The following GLIS1 variants were observed in gnomAD, a reference collection of about 807,000 sequenced individuals.
The protein encoded by GLIS1 is zinc finger protein GLIS1.
GLIS1 carries 24 observed loss-of-function variants against 63.8 expected under a neutral mutation model. The observed-to-expected ratio is 0.38, with a 90% confidence interval of 0.27 to 0.53. GLIS1 has a LOEUF of 0.53. Among genes scored for constraint, GLIS1 ranks in the 20% least tolerant of loss-of-function variants. The pLI is 0.85. For synonymous variants in GLIS1, 450 were observed against 482.5 expected (o/e 0.93, Z 0.88); for missense variants, 1,036 against 1,074.1 (o/e 0.96, Z 0.50).
In GLIS1 at chr1:53,737,970, G is replaced by T; in HGVS notation, c.95C>A (p.Ala32Glu). The change falls in exon 2 of 11, where the codon GCG becomes GAG. Residue 32 changes from alanine (A) to glutamate (E), a missense_variant. By Grantham distance (107) the Ala-to-Glu change is moderately radical (BLOSUM62 -1). Transcript: ENST00000628545. ...GPDRGPASLG[A>E]HMAFRVTVSG... is the part of the protein sequence containing the mutation. ...CACGGTGACCCTGAAGGCCATGTGCGCGCCGAGGCTGGCGGGGCCGCGGTC... is the reference window on the plus strand; with the variant it reads ...CACGGTGACCCTGAAGGCCATGTGCTCGCCGAGGCTGGCGGGGCCGCGGTC... The T allele has an allele frequency of 8.1e-7, 1 of 1,230,290 alleles. No homozygotes were observed. The highest frequency in any genetic ancestry group is 1.0e-6 in the Non-Finnish European group (1 of 986,984). The allele number at this position is 1,230,290 out of a possible 1,614,324, so 76.2% of individuals were successfully genotyped here.
At chr1:53,707,029 CT>C (rs901645530) in intron 2 of GLIS1, among the ~76,000 whole-genome samples, 2 of 152,138 alleles carry the variant, frequency 1.3e-5, no homozygotes, top group African/African-American at 2.4e-5. Flanking sequence ...CCAGAAGCTT[CT>C]TTTTTAAAAG....
intron 2 of GLIS1, among the ~76,000 whole-genome samples, chr1:53,736,415 A>AT: frequency 6.6e-6 from 1 of 152,152 alleles, no homozygotes. Flanking sequence ...GACAGCCATG[A>AT]TTTTTTTAAA....
At chr1:53,536,438 G>T (rs1011382850) in intron 4 of GLIS1, among the ~76,000 whole-genome samples, 1 of 152,100 alleles carries the variant, frequency 6.6e-6, no homozygotes, top group African/African-American at 2.4e-5. Context: ...TAGTGACTGG[G>T]TGACACTTTC....
intron 2 of GLIS1, among the ~76,000 whole-genome samples, chr1:53,645,359 C>G (rs1005779011): frequency 6.6e-6 from 1 of 152,160 alleles, no homozygotes; most frequent in African/African-American, 2.4e-5. Context: ...CTGTATATTT[C>G]CTGTGTTTCC....
chr1:53,594,523 G>A lies in GLIS1; in HGVS notation c.905C>T (p.Thr302Met), dbSNP rs770474771. 9.9e-6 allele frequency: 16 copies of A among 1,611,730 alleles called. No homozygotes were observed. The highest frequency in any genetic ancestry group is 4.5e-5 in the East Asian group (2 of 44,858). Residue 302 changes from threonine (T) to methionine (M), a missense_variant, in exon 4 of 11, where the codon ACG becomes ATG. This residue lies in a region of GLIS1 where 592 missense variants were observed against 593.9 expected (regional missense o/e 1.00). Coordinates refer to ENST00000628545, the MANE Select transcript of GLIS1 (RefSeq NM_001367484.1). The stretch of plus-strand genomic sequence containing the variant: ...TTGCAAGCTGCCCTCATGGCTGTCC[G>A]TCGATGCAGGGCCAGGCCGGGCCCG... Reference protein sequence around the residue: ...SKRARPGPASTDSHEGSLQLE... With the variant: ...SKRARPGPASMDSHEGSLQLE...
intron 8 of GLIS1, 128 bp from the exon 9 acceptor site, chr1:53,510,155 C>T (rs1391710305): frequency 6.8e-6 from 3 of 442,226 alleles, no homozygotes; most frequent in Non-Finnish European, 1.1e-5. Context: ...CTCCGACTTA[C>T]AATAGTTAGA....
Position 53,514,609 on chromosome 1 carries a change from G to T in GLIS1, c.1883+16C>A. ...CCCTTGTTGCCCCTGGAGGAGGACT[G>T]GCCTGGTGTACATACCCATCCCGGG... On this transcript the variant is annotated intron_variant, in intron 8 of 10. Coordinates refer to ENST00000628545, the MANE Select transcript of GLIS1 (RefSeq NM_001367484.1). 6.2e-7 allele frequency: 1 copy of T among 1,611,390 alleles called. No homozygotes were observed. Among genetic ancestry groups the T allele is most frequent in the Non-Finnish European group, 8.5e-7 (1 of 1,178,868 alleles).
chr1:53,591,088 CA>C (rs1645189324), intron 4 of GLIS1, among the ~76,000 whole-genome samples: 1 of 152,230 alleles, frequency 6.6e-6, no homozygotes. Flanking sequence ...ACTCTTCAAT[CA>C]AAATGTCTCA....
rs188142455 is a variant in GLIS1, at chr1:53,651,593, G to A, written c.260-51315C>T. On this transcript the variant is annotated intron_variant, in intron 2 of 10. Coordinates refer to ENST00000628545, the MANE Select transcript of GLIS1 (RefSeq NM_001367484.1). ...ATCCTTTTGTTCAATAATCAGCTGA[G>A]GCCAGGCACAGTGGCCTCACATCTG... is the stretch of plus-strand genomic sequence containing the variant. Among the ~76,000 whole-genome samples, 4 of 152,246 alleles carry A rather than the reference G, an allele frequency of 2.6e-5. No individual in the cohort carries two copies. The East Asian group carries it at 7.7e-4, about 29-fold the overall frequency.
chr1:53,677,718 G>A (rs1356992371), intron 2 of GLIS1, among the ~76,000 whole-genome samples: 3 of 152,222 alleles, frequency 2.0e-5, no homozygotes, highest in African/African-American at 4.8e-5. Context: ...TTCACTTCAC[G>A]CTTGCTGTCA....
At chr1:53,659,631 C>T (rs917787873) in intron 2 of GLIS1, among the ~76,000 whole-genome samples, 8 of 152,128 alleles carry the variant, frequency 5.3e-5, no homozygotes, top group African/African-American at 9.7e-5. Context: ...TGTGAGGGGG[C>T]CACACCTGGA....
chr1:53,667,661 T>C (rs1276487299), intron 2 of GLIS1, among the ~76,000 whole-genome samples: 1 of 152,198 alleles, frequency 6.6e-6, no homozygotes, highest in Non-Finnish European at 1.5e-5. Flanking sequence ...GAACAGAATT[T>C]ATTTTCACAG....
chr1:53,524,590 C>T (rs781435503), intron 6 of GLIS1, among the ~76,000 whole-genome samples, 187 bp downstream of exon 6: 4 of 152,092 alleles, frequency 2.6e-5, no homozygotes, highest in Non-Finnish European at 5.9e-5. Flanking sequence ...GGAAGGGCTG[C>T]GGGTCAGCAG....
intron 2 of GLIS1, among the ~76,000 whole-genome samples, chr1:53,723,275 AC>A (rs1646774692): frequency 6.8e-6 from 1 of 147,362 alleles, no homozygotes; most frequent in African/African-American, 2.5e-5. Context: ...TCACTCTGTC[AC>A]CCAGGCTGGA....
intron 2 of GLIS1, among the ~76,000 whole-genome samples, chr1:53,710,269 A>G (rs1646632732): frequency 6.6e-6 from 1 of 152,244 alleles, no homozygotes; most frequent in South Asian, 2.1e-4. Flanking sequence ...TATGCAGCCC[A>G]TGGCCTTTCA....
At chr1:53,553,057 C>T (rs887198100) in intron 4 of GLIS1, among the ~76,000 whole-genome samples, 3 of 152,236 alleles carry the variant, frequency 2.0e-5, no homozygotes, top group Admixed American at 1.3e-4. Context: ...GCTGGGATCA[C>T]CAGCCTTCCT....
intron 5 of GLIS1, 96 bp from the exon 6 acceptor site, chr1:53,524,983 G>C: frequency 1.1e-6 from 1 of 916,154 alleles, no homozygotes; most frequent in Non-Finnish European, 1.7e-6. Flanking sequence ...CCAGGCGAGA[G>C]GCTGGCTGCA....
intron 2 of GLIS1, among the ~76,000 whole-genome samples, chr1:53,641,629 G>A (rs1645788151): frequency 6.6e-6 from 1 of 152,146 alleles, no homozygotes; most frequent in African/African-American, 2.4e-5. Flanking sequence ...GAGATTGGGG[G>A]CCTAAGGGCA....
chr1:53,722,240 G>T (rs919111603), intron 2 of GLIS1, among the ~76,000 whole-genome samples: 8 of 152,160 alleles, frequency 5.3e-5, no homozygotes, highest in Admixed American at 2.6e-4. Flanking sequence ...TTACTACCCT[G>T]TAGCCTAGTA....
Sources: gnomAD v4.1 joint callset for allele counts (sites outside exome capture counted in the v4.1 genomes callset) on GRCh38, gnomAD v4.1.1 for gene constraint, gnomAD v4.1.1 regional missense constraint, MANE v1.5 for transcripts, NCBI Gene and HGNC (gene_info 2026-07-23, HGNC 2026-07-21) for gene names.